The following GORASP2 variants were observed in gnomAD, a reference collection of about 807,000 sequenced individuals.
The protein encoded by GORASP2 is Golgi reassembly-stacking protein 2.
A neutral mutation model predicts 45.7 loss-of-function variants in GORASP2; 22 were observed. The observed-to-expected ratio is 0.48, with a 90% CI of 0.34 to 0.69. The LOEUF is 0.69. Ranked by LOEUF, GORASP2 falls within the 30% of genes least tolerant of loss-of-function variation. GORASP2 has a pLI of 0.01. For synonymous variants in GORASP2, 221 were observed against 215.6 expected (o/e 1.02, Z -0.22); for missense variants, 491 against 562.7 (o/e 0.87, Z 1.29).
chr2:170,951,859 C>G (rs979730853), intron 5 of GORASP2, among the ~76,000 whole-genome samples: 1 of 152,228 alleles, frequency 6.6e-6, no homozygotes, highest in East Asian at 1.9e-4. Flanking sequence ...TCTTTACCCA[C>G]ACTACCTGAG....
At chr2:170,958,097 G>T (rs539212521) in intron 7 of GORASP2, among the ~76,000 whole-genome samples, 1 of 152,124 alleles carries the variant, frequency 6.6e-6, no homozygotes, top group South Asian at 2.1e-4. Flanking sequence ...TCTAGAATTG[G>T]TCTCCTAGGT....
rs1704685949 is a variant in GORASP2 at position 170,966,222 on chromosome 2, AC to A, written c.*94del. ...TATCATTAATTTCATACTAGTTTGT[AC>A]CGTATCTGTAGGCATCCTGTAAATA... On this transcript the variant is annotated 3_prime_UTR_variant, in exon 10 of 10. Transcript: ENST00000234160. 1 of 910,732 alleles carries A rather than the reference AC, an allele frequency of 1.1e-6. No homozygotes were observed. The highest frequency in any genetic ancestry group is 1.6e-5 in the African/African-American group (1 of 61,606). 56.4% of individuals were successfully genotyped at this position (910,732 alleles called of 1,614,324 possible).
At chr2:170,958,275 T>TC (rs2105326808) in intron 7 of GORASP2, among the ~76,000 whole-genome samples, 1 of 152,348 alleles carries the variant, frequency 6.6e-6, no homozygotes, top group Non-Finnish European at 1.5e-5. Flanking sequence ...TTTCTTTTTT[T>TC]CCAGCTTTAT....
intron 1 of GORASP2, among the ~76,000 whole-genome samples, chr2:170,944,891 T>TCTGAGGAGGCGC (rs1380502842): frequency 6.6e-6 from 1 of 152,184 alleles, no homozygotes; most frequent in Non-Finnish European, 1.5e-5. Context: ...GAAACTCCAC[T>TCTGAGGAGGCGC]CTGAGGAGGC....
At chr2:170,949,838 A>G (rs1233505479) in intron 3 of GORASP2, 96 bp downstream of exon 3, 2 of 1,085,986 alleles carry the variant, frequency 1.8e-6, no homozygotes, top group East Asian at 2.4e-5. Context: ...GATTGTAAGG[A>G]TATTATTAAT....
chr2:170,945,704 A>G (rs1044205424), intron 1 of GORASP2, among the ~76,000 whole-genome samples: 7 of 152,220 alleles, frequency 4.6e-5, no homozygotes. Context: ...GAAGAATATC[A>G]AGTTTTACTT....
Position 170,967,084 on chromosome 2 carries a change from T to C in GORASP2, c.*954T>C, listed in dbSNP as rs1242657185. On this transcript the variant is annotated 3_prime_UTR_variant, in exon 10 of 10. Transcript: ENST00000234160. ...GAGATGGTAAGTTAACTGGAATTGA[T>C]TTACTGAATGAAATTAAATGCAGAT... is the stretch of plus-strand genomic sequence containing the variant. 6 of 152,160 alleles carry C rather than the reference T, an allele frequency of 3.9e-5. No homozygotes were observed. Among genetic ancestry groups the C allele is most frequent in the Non-Finnish European group, 1.5e-5 (1 of 68,046 alleles). The allele number at this position is 152,160 out of a possible 1,614,324, so 9.4% of individuals were successfully genotyped here.
At chr2:170,934,552 C>T (rs958662995) in intron 1 of GORASP2, among the ~76,000 whole-genome samples, 12 of 152,080 alleles carry the variant, frequency 7.9e-5, no homozygotes, top group South Asian at 2.1e-4. Context: ...TTAGCCACCA[C>T]GCCCTACCTC....
chr2:170,936,906 A>AT (rs1263667931), intron 1 of GORASP2, among the ~76,000 whole-genome samples: 1 of 151,982 alleles, frequency 6.6e-6, no homozygotes, highest in Non-Finnish European at 1.5e-5. Flanking sequence ...TAATTCGTTA[A>AT]TTTTTTTAAA....
chr2:170,956,791 G>A (rs1704436674), intron 7 of GORASP2, among the ~76,000 whole-genome samples: 1 of 152,048 alleles, frequency 6.6e-6, no homozygotes, highest in Non-Finnish European at 1.5e-5. Context: ...GTGTGCACCT[G>A]TAGTCCCAGC....
At chr2:170,946,015 G>A (rs1475212400) in intron 1 of GORASP2, among the ~76,000 whole-genome samples, 1 of 151,184 alleles carries the variant, frequency 6.6e-6, no homozygotes, top group Non-Finnish European at 1.5e-5. Flanking sequence ...ATTTTTTTTT[G>A]TTTTGTTTTG....
intron 9 of GORASP2, 73 bp from the exon 10 acceptor site, chr2:170,965,713 TAAAA>T: frequency 1.0e-6 from 1 of 996,644 alleles, no homozygotes; most frequent in Admixed American, 1.9e-5. Context: ...GAAATGTAAA[TAAAA>T]ATAGCCCTTT....
intron 7 of GORASP2, among the ~76,000 whole-genome samples, chr2:170,959,558 A>G (rs1704503813): frequency 6.6e-6 from 1 of 152,250 alleles, no homozygotes; most frequent in Non-Finnish European, 1.5e-5. Flanking sequence ...CGTGAGAAAC[A>G]ACTTTTTGAT....
At chr2:170,963,257 C>T (rs893173870) in intron 9 of GORASP2, among the ~76,000 whole-genome samples, 2 of 151,750 alleles carry the variant, frequency 1.3e-5, no homozygotes, top group East Asian at 1.9e-4. Flanking sequence ...TGCCTGTAGT[C>T]CCAGCTACGC....
intron 1 of GORASP2, among the ~76,000 whole-genome samples, chr2:170,939,910 G>A (rs887744356): frequency 6.6e-6 from 1 of 152,166 alleles, no homozygotes; most frequent in Non-Finnish European, 1.5e-5. Context: ...TATAGTTGAG[G>A]TGGGTCATCA....
chr2:170,939,346 G>C (rs1704023227), intron 1 of GORASP2, among the ~76,000 whole-genome samples: 1 of 152,224 alleles, frequency 6.6e-6, no homozygotes, highest in Non-Finnish European at 1.5e-5. Flanking sequence ...CAATGTTTTA[G>C]CAGGTGAGGC....
chr2:170,960,083 AGTGCTGGGATTACAGGCATGAGCCACC>A (rs1267202972), intron 7 of GORASP2, among the ~76,000 whole-genome samples: 12 of 152,136 alleles, frequency 7.9e-5, no homozygotes, highest in Admixed American at 5.2e-4. Context: ...AGCTTCCCAA[AGTGCTGGGATTACAGGCATGAGCCACC>A]GTGCCTGGCC....
chr2:170,953,109 G>A (rs1053483197), intron 5 of GORASP2, among the ~76,000 whole-genome samples: 3 of 152,108 alleles, frequency 2.0e-5, no homozygotes, highest in Non-Finnish European at 2.9e-5. Context: ...TAGTACTACC[G>A]CTTTGGGAGG....
intron 1 of GORASP2, among the ~76,000 whole-genome samples, chr2:170,948,110 G>T (rs1343205097): frequency 1.3e-5 from 2 of 152,088 alleles, no homozygotes; most frequent in African/African-American, 4.8e-5. Flanking sequence ...GGCAACAGAG[G>T]TGGAGTCTGT....
Sources: allele counts gnomAD v4.1 joint callset (sites outside exome capture counted in the v4.1 genomes callset), GRCh38; gene constraint gnomAD v4.1.1; transcripts MANE v1.5; gene names NCBI Gene and HGNC (gene_info 2026-07-23, HGNC 2026-07-21).